The following LSAMP variants were observed in gnomAD, a reference collection of about 807,000 sequenced individuals.
LSAMP encodes the protein limbic system associated membrane protein.
In LSAMP, 7 loss-of-function variants were observed where a neutral mutation model predicts 38.6. The ratio of observed to expected loss-of-function variants is 0.18; its 90% CI spans 0.10 to 0.34. The LOEUF (loss-of-function observed/expected upper bound fraction) is 0.34, where lower values mean the gene tolerates loss of function less well. LSAMP is among the 10% of genes least tolerant of loss of function. The pLI is 1.00. For missense variants in LSAMP, 313 were observed against 420.0 expected (o/e 0.75, Z 2.23); for synonymous variants, 154 against 166.8 (o/e 0.92, Z 0.59).
chr3:116,243,454 T>C (rs2046565875), intron 1 of LSAMP, among the ~76,000 whole-genome samples: 1 of 152,114 alleles, frequency 6.6e-6, no homozygotes, highest in African/African-American at 2.4e-5. Context: ...TAGAAGAAAA[T>C]GGATTATTCT....
chr3:116,199,379 T>A (rs2045958652), intron 1 of LSAMP, among the ~76,000 whole-genome samples: 1 of 152,208 alleles, frequency 6.6e-6, no homozygotes, highest in Non-Finnish European at 1.5e-5. Flanking sequence ...CCTTCAATCT[T>A]ACCTCTTTTA....
chr3:116,090,598 G>A (rs141646202), intron 1 of LSAMP, among the ~76,000 whole-genome samples: 44 of 152,272 alleles, frequency 2.9e-4, no homozygotes, highest in African/African-American at 7.2e-4. Flanking sequence ...GACCTGCCCC[G>A]GAAAATCACG....
intron 1 of LSAMP, among the ~76,000 whole-genome samples, chr3:116,218,007 T>G (rs1256890225): frequency 6.6e-6 from 1 of 152,098 alleles, no homozygotes; most frequent in Non-Finnish European, 1.5e-5. Context: ...GTCTTAAACT[T>G]TTTCAGCATG....
intron 1 of LSAMP, among the ~76,000 whole-genome samples, chr3:116,191,377 G>A (rs1710751596): frequency 6.6e-6 from 1 of 152,134 alleles, no homozygotes; most frequent in Admixed American, 6.5e-5. Context: ...GGCAAACATT[G>A]AGACATCACC....
chr3:116,238,766 A>G (rs1305619601), intron 1 of LSAMP, among the ~76,000 whole-genome samples: 1 of 152,210 alleles, frequency 6.6e-6, no homozygotes, highest in Non-Finnish European at 1.5e-5. Context: ...GATAAACCTG[A>G]TATCAAAGCA....
intron 1 of LSAMP, among the ~76,000 whole-genome samples, chr3:116,319,367 G>C (rs1248418084): frequency 6.6e-6 from 1 of 152,118 alleles, no homozygotes; most frequent in Non-Finnish European, 1.5e-5. Context: ...TCCCCATTCA[G>C]TAGTATCTTG....
chr3:116,432,529 A>G (rs1338482210), intron 1 of LSAMP, among the ~76,000 whole-genome samples: 1 of 151,748 alleles, frequency 6.6e-6, no homozygotes, highest in Non-Finnish European at 1.5e-5. Flanking sequence ...ACATATTTTT[A>G]AAGTTTTCTA....
At chr3:116,421,971 G>A (rs1167809688) in intron 1 of LSAMP, among the ~76,000 whole-genome samples, 3 of 152,140 alleles carry the variant, frequency 2.0e-5, no homozygotes, top group Non-Finnish European at 4.4e-5. Flanking sequence ...TCAAAGAATT[G>A]ACCATAAATA....
intron 1 of LSAMP, among the ~76,000 whole-genome samples, chr3:116,106,524 C>T (rs1708471592): frequency 6.6e-6 from 1 of 152,126 alleles, no homozygotes; most frequent in South Asian, 2.1e-4. Flanking sequence ...AAGTATTGTC[C>T]AGTCCTTTTT....
intron 1 of LSAMP, among the ~76,000 whole-genome samples, chr3:116,105,735 T>C (rs1708450967): frequency 6.6e-6 from 1 of 152,214 alleles, no homozygotes; most frequent in South Asian, 2.1e-4. Context: ...CATCTGGGCA[T>C]ATACGTGCAA....
intron 3 of LSAMP, among the ~76,000 whole-genome samples, chr3:115,857,258 G>C (rs1935536308): frequency 1.3e-5 from 2 of 152,190 alleles, no homozygotes; most frequent in Non-Finnish European, 2.9e-5. Flanking sequence ...AATGCACTCA[G>C]ATTCTCCTGT....
Position 116,373,390 on chromosome 3 carries a change from C to T in LSAMP, c.155+71487G>A, listed in dbSNP as rs72950180. On this transcript the variant is annotated intron_variant, in intron 1 of 6. Coordinates refer to ENST00000490035, the MANE Select transcript of LSAMP (RefSeq NM_002338.5). ...TATAGAGTACTCATACTCATAAGGACGGAAAGTAGGATGGTGGCTTCTAGG... is the reference window on the plus strand; with the variant it reads ...TATAGAGTACTCATACTCATAAGGATGGAAAGTAGGATGGTGGCTTCTAGG... 2.5e-3 allele frequency among the ~76,000 whole-genome samples: 379 copies of T among 151,178 alleles called. 4 individuals are homozygous for T. The highest frequency in any genetic ancestry group is 8.7e-3 in the African/African-American group (359 of 41,242).
intron 2 of LSAMP, among the ~76,000 whole-genome samples, chr3:116,058,819 G>A (rs548616954): frequency 6.6e-6 from 1 of 152,280 alleles, no homozygotes; most frequent in African/African-American, 2.4e-5. Flanking sequence ...ACTGAGAAGA[G>A]TGATAAAGAC....
At chr3:115,976,253 A>T (rs1939185573) in intron 3 of LSAMP, among the ~76,000 whole-genome samples, 1 of 152,228 alleles carries the variant, frequency 6.6e-6, no homozygotes, top group Admixed American at 6.5e-5. Flanking sequence ...TCTCCATAAA[A>T]TATTTCCATT....
intron 1 of LSAMP, among the ~76,000 whole-genome samples, chr3:116,400,762 C>T (rs2048829793): frequency 6.6e-6 from 1 of 152,092 alleles, no homozygotes; most frequent in Non-Finnish European, 1.5e-5. Context: ...ACAGCGTGAG[C>T]CACCACTCCC....
chr3:116,119,311 A>G (rs1412904165), intron 1 of LSAMP, among the ~76,000 whole-genome samples: 1 of 151,880 alleles, frequency 6.6e-6, no homozygotes, highest in East Asian at 1.9e-4. Context: ...TAGCCATAAG[A>G]TTGTTATCTG....
At chr3:116,200,577 C>T (rs531972088) in intron 1 of LSAMP, among the ~76,000 whole-genome samples, 2 of 152,314 alleles carry the variant, frequency 1.3e-5, no homozygotes, top group South Asian at 2.1e-4. Context: ...AGACACATAG[C>T]CCCCAGGGGC....
intron 1 of LSAMP, among the ~76,000 whole-genome samples, chr3:116,408,950 T>C (rs2107835993): frequency 6.6e-6 from 1 of 152,164 alleles, no homozygotes; most frequent in South Asian, 2.1e-4. Context: ...AGATATACGT[T>C]CTATTCCTTG....
chr3:116,221,655 C>T (rs1165058183), intron 1 of LSAMP, among the ~76,000 whole-genome samples: 1 of 152,208 alleles, frequency 6.6e-6, no homozygotes, highest in African/African-American at 2.4e-5. Flanking sequence ...GATTCTTACA[C>T]ATACCATTGA....
Sources: allele counts gnomAD v4.1 joint callset (sites outside exome capture counted in the v4.1 genomes callset), GRCh38; gene constraint gnomAD v4.1.1; transcripts MANE v1.5; gene names NCBI Gene and HGNC (gene_info 2026-07-23, HGNC 2026-07-21).